The following CDC73 variants were observed in gnomAD, a reference collection of about 807,000 sequenced individuals.
CDC73 encodes cell division cycle 73, also known as parafibromin.
CDC73 carries 21 observed loss-of-function variants against 83.7 expected under a neutral mutation model. The ratio of observed to expected loss-of-function variants is 0.25; its 90% confidence interval spans 0.18 to 0.36. The LOEUF is 0.36. Among genes scored for constraint, CDC73 ranks in the 10% least tolerant of loss-of-function variants. CDC73 has a pLI of 1.00. For synonymous variants in CDC73, 224 were observed against 212.9 expected (o/e 1.05, Z -0.45); for missense variants, 342 against 653.3 (o/e 0.52, Z 5.19).
intron 10 of CDC73, among the ~76,000 whole-genome samples, chr1:193,200,476 C>A (rs377214627): frequency 6.6e-6 from 1 of 152,144 alleles, no homozygotes; most frequent in Admixed American, 6.5e-5. Flanking sequence ...TTTTATTCTT[C>A]GCAAATGTGG....
chr1:193,140,150 A>G (rs1467863046), intron 6 of CDC73, among the ~76,000 whole-genome samples: 2 of 152,152 alleles, frequency 1.3e-5, no homozygotes, highest in Non-Finnish European at 2.9e-5. Flanking sequence ...GGAAACTTAC[A>G]GGCAATAAGC....
chr1:193,151,602 C>T (rs768720706), intron 9 of CDC73, among the ~76,000 whole-genome samples: 2 of 152,160 alleles, frequency 1.3e-5, no homozygotes, highest in East Asian at 3.8e-4. Flanking sequence ...GCACTCCAAT[C>T]ATTATTTACA....
chr1:193,168,985 G>A (rs1676477688), intron 10 of CDC73, among the ~76,000 whole-genome samples: 1 of 152,036 alleles, frequency 6.6e-6, no homozygotes, highest in South Asian at 2.1e-4. Flanking sequence ...ACCATTTAAA[G>A]TGTAAAAACC....
chr1:193,181,273 G>A (rs1676710792), intron 10 of CDC73: 1 of 1,614,004 alleles, frequency 6.2e-7, no homozygotes, highest in Non-Finnish European at 8.5e-7. Flanking sequence ...ATTAGAGTTA[G>A]TTGCTGTTTG....
chr1:193,163,337 C>T (rs892674795), intron 10 of CDC73, among the ~76,000 whole-genome samples: 8 of 151,902 alleles, frequency 5.3e-5, no homozygotes, highest in African/African-American at 1.9e-4. Flanking sequence ...AAAATCCCGC[C>T]TCTACAAAAA....
intron 10 of CDC73, among the ~76,000 whole-genome samples, chr1:193,188,666 T>C (rs557829432): frequency 6.6e-6 from 1 of 152,052 alleles, no homozygotes; most frequent in Admixed American, 6.6e-5. Flanking sequence ...TTATTATTCT[T>C]TTGCCAGTTC....
rs1678074413 is a variant in CDC73, at chr1:193,253,342, A to T, written c.*2630A>T. On this transcript the variant is annotated 3_prime_UTR_variant, in exon 17 of 17. Coordinates refer to ENST00000367435, the MANE Select transcript of CDC73 (RefSeq NM_024529.5). ...AATCACTGGTTTAATTTGTTATTGA[A>T]AACAGTACCAGTATTAAATGTGTTT... The T allele has an allele frequency of 8.6e-6, 2 of 232,342 alleles. No individual in the cohort carries two copies. The highest frequency in any genetic ancestry group is 1.8e-4 in the South Asian group (1 of 5,512). 14.4% of individuals were successfully genotyped at this position (232,342 alleles called of 1,614,324 possible).
At chr1:193,148,026 A>G (rs1434770481) in intron 8 of CDC73, 61 bp downstream of exon 8, 4 of 1,070,898 alleles carry the variant, frequency 3.7e-6, no homozygotes, top group Non-Finnish European at 4.4e-6. Context: ...ATTGCAGTGT[A>G]GTAACGTTGA....
At chr1:193,245,818 A>G (rs1677945329) in intron 15 of CDC73, among the ~76,000 whole-genome samples, 1 of 152,060 alleles carries the variant, frequency 6.6e-6, no homozygotes, top group African/African-American at 2.4e-5. Flanking sequence ...TCTTTTGTAT[A>G]ATAGCCATCC....
chr1:193,154,244 T>C (rs1033314708), intron 10 of CDC73, among the ~76,000 whole-genome samples: 4 of 152,230 alleles, frequency 2.6e-5, no homozygotes, highest in Non-Finnish European at 4.4e-5. Context: ...TTTTTTGTTA[T>C]TTTTGTGATT....
At chr1:193,135,721 C>T (rs1384501443) in intron 5 of CDC73, 132 bp downstream of exon 5, 2 of 682,450 alleles carry the variant, frequency 2.9e-6, no homozygotes, top group East Asian at 5.5e-5. Flanking sequence ...GTAGAAAGAA[C>T]AATTGATTAA....
At chr1:193,153,056 C>T (rs1470505085) in intron 10 of CDC73, among the ~76,000 whole-genome samples, 1 of 152,146 alleles carries the variant, frequency 6.6e-6, no homozygotes, top group African/African-American at 2.4e-5. Context: ...GTGTGAGCCA[C>T]CGTGCCCAGC....
chr1:193,172,396 G>C (rs1435445522), intron 10 of CDC73, among the ~76,000 whole-genome samples: 1 of 152,104 alleles, frequency 6.6e-6, no homozygotes, highest in Non-Finnish European at 1.5e-5. Flanking sequence ...AGAGACTGCT[G>C]AGTTTGATGA....
intron 10 of CDC73, among the ~76,000 whole-genome samples, chr1:193,195,324 C>T (rs573943654): frequency 7.2e-5 from 11 of 152,110 alleles, no homozygotes; most frequent in Admixed American, 3.3e-4. Flanking sequence ...TGTTGTAGCA[C>T]GTATTACAAT....
intron 10 of CDC73, among the ~76,000 whole-genome samples, chr1:193,194,518 C>T (rs1223701533): frequency 1.3e-5 from 2 of 152,078 alleles, no homozygotes; most frequent in African/African-American, 4.8e-5. Context: ...GTTTCTCTGC[C>T]ACTATAAAAA....
At chr1:193,124,814 C>T (rs1482290886) in intron 1 of CDC73, among the ~76,000 whole-genome samples, 2 of 152,186 alleles carry the variant, frequency 1.3e-5, no homozygotes, top group Non-Finnish European at 2.9e-5. Flanking sequence ...CGATATGGAT[C>T]TGGTTAGATT....
intron 10 of CDC73, chr1:193,186,108 G>A (rs1278118883): frequency 1.3e-5 from 2 of 152,900 alleles, no homozygotes; most frequent in African/African-American, 4.8e-5. Context: ...AGATGCTATC[G>A]AACATGCGCA....
chr1:193,184,400 A>G (rs1232067453), intron 10 of CDC73, among the ~76,000 whole-genome samples: 1 of 151,974 alleles, frequency 6.6e-6, no homozygotes, highest in Non-Finnish European at 1.5e-5. Context: ...AAAACAAGAA[A>G]GTTCAGTAGT....
At position 193,253,629 on chromosome 1, in the gene CDC73, G is replaced by GT. The variant is rs1678079212; in HGVS notation, c.*2922dup. 1 of 231,220 alleles carries GT rather than the reference G, an allele frequency of 4.3e-6. No homozygotes were observed. The highest frequency in any genetic ancestry group is 8.5e-6 in the Non-Finnish European group (1 of 117,098). The allele number at this position is 231,220 out of a possible 1,614,324, so 14.3% of individuals were successfully genotyped here. Reference sequence around the variant, plus strand: ...GTCTCCATAACTTTTACTAACATTTGTTTTTAGCAGCACAACAGTAATCCA... The same window carrying GT: ...GTCTCCATAACTTTTACTAACATTTGTTTTTTAGCAGCACAACAGTAATCCA... On this transcript the variant is annotated 3_prime_UTR_variant, in exon 17 of 17. Coordinates refer to ENST00000367435, the MANE Select transcript of CDC73 (RefSeq NM_024529.5).
Sources: gnomAD v4.1 joint callset for allele counts (sites outside exome capture counted in the v4.1 genomes callset) on GRCh38, gnomAD v4.1.1 for gene constraint, MANE v1.5 for transcripts, NCBI Gene and HGNC (gene_info 2026-07-23, HGNC 2026-07-21) for gene names.